The following COL26A1 variants were observed in gnomAD, a reference collection of about 807,000 sequenced individuals.
COL26A1 encodes collagen alpha-1(XXVI) chain.
In COL26A1, 41 loss-of-function variants were observed where a neutral mutation model predicts 59.3. That is an observed-to-expected ratio of 0.69 (90% CI 0.54 to 0.90). The LOEUF (loss-of-function observed/expected upper bound fraction) is 0.90, where lower values mean the gene tolerates loss of function less well. Ranked by LOEUF, COL26A1 falls within the 40% of genes least tolerant of loss-of-function variation. The probability of loss-of-function intolerance (pLI) is 0.00; values close to 1 mark genes in which losing one functional copy is unlikely to be tolerated. For missense variants in COL26A1, 612 were observed against 602.3 expected (o/e 1.02, Z -0.17); for synonymous variants, 266 against 256.0 (o/e 1.04, Z -0.37).
chr7:101,542,625 C>G (rs1795640196), intron 5 of COL26A1, among the ~76,000 whole-genome samples: 1 of 152,166 alleles, frequency 6.6e-6, no homozygotes, highest in Non-Finnish European at 1.5e-5. Flanking sequence ...GGTTGGGGAG[C>G]AGGGGCAGAG....
chr7:101,376,852 A>G (rs77094535), intron 1 of COL26A1, among the ~76,000 whole-genome samples: 4,356 of 151,798 alleles, frequency 0.029, 105 homozygotes, highest in Non-Finnish European at 0.04. Context: ...TATTTTCTTT[A>G]TTTTATTTTC....
At chr7:101,505,521 C>T (rs1029003723) in intron 3 of COL26A1, among the ~76,000 whole-genome samples, 1 of 152,084 alleles carries the variant, frequency 6.6e-6, no homozygotes, top group Non-Finnish European at 1.5e-5. Context: ...CACAATAGGC[C>T]GTCTGCAAGC....
chr7:101,544,113 CAT>C lies in COL26A1; in HGVS notation c.703+20_703+21del. On this transcript the variant is annotated intron_variant, in intron 6 of 12. Transcript: ENST00000313669. ...GGCCGCCTGGTAAGAAAACCCCCCA[CAT>C]ATGTGATGTTGTCAACCTGCGGAAG... 1 of 1,575,810 alleles carries C rather than the reference CAT, an allele frequency of 6.3e-7. No individual in the cohort carries two copies. The highest frequency in any genetic ancestry group is 8.6e-7 in the Non-Finnish European group (1 of 1,156,510).
At chr7:101,466,373 G>A (rs535218972) in intron 3 of COL26A1, among the ~76,000 whole-genome samples, 3 of 152,060 alleles carry the variant, frequency 2.0e-5, no homozygotes, top group African/African-American at 4.8e-5. Flanking sequence ...GTCATTCCCC[G>A]ACCTGCCCAG....
intron 3 of COL26A1, among the ~76,000 whole-genome samples, chr7:101,473,889 A>G (rs1454125772): frequency 6.6e-6 from 1 of 152,032 alleles, no homozygotes; most frequent in Non-Finnish European, 1.5e-5. Context: ...CAAGCTATCT[A>G]CTTTTTCAGA....
chr7:101,530,591 A>AAC (rs1254563526), intron 3 of COL26A1, among the ~76,000 whole-genome samples: 21 of 148,698 alleles, frequency 1.4e-4, no homozygotes, highest in African/African-American at 5.2e-4. Flanking sequence ...AAAAAAAAAA[A>AAC]GCAGGCACTG....
In COL26A1 at chr7:101,557,503, C is replaced by T. The variant is rs771159573; in HGVS notation, c.1299C>T (p.Ser433=). 1.4e-5 allele frequency: 22 copies of T among 1,611,946 alleles called. No homozygotes were observed. In the East Asian group the frequency reaches 3.1e-4, roughly 23 times the overall value. Residue 433 remains serine, a synonymous_variant, in exon 13 of 13, where the codon AGC becomes AGT. Coordinates refer to ENST00000313669, the MANE Select transcript of COL26A1 (RefSeq NM_001278563.3). ...TTGGGCCCGACCCTGGACAGAAGAG[C>T]GTGGACCAGGCCAGCAGCAGGAAGT... The part of the protein sequence containing the change: ...ALLGPDPGQK[S]VDQASSRK
intron 2 of COL26A1, among the ~76,000 whole-genome samples, chr7:101,436,476 T>C (rs541122121): frequency 1.3e-5 from 2 of 151,876 alleles, no homozygotes; most frequent in African/African-American, 4.8e-5. Flanking sequence ...GCATGGAGGC[T>C]GAGAAGGGGT....
intron 2 of COL26A1, among the ~76,000 whole-genome samples, chr7:101,434,051 TCCCTCCCTCC>T (rs1792844733): frequency 5.1e-5 from 1 of 19,498 alleles, no homozygotes; most frequent in Non-Finnish European, 1.1e-4. Flanking sequence ...CTTCCCTCCC[TCCCTCCCTCC>T]CTCCCTCCCT....
At chr7:101,498,655 ACT>A (rs1563013420) in intron 3 of COL26A1, among the ~76,000 whole-genome samples, 1 of 152,090 alleles carries the variant, frequency 6.6e-6, no homozygotes, top group Non-Finnish European at 1.5e-5. Context: ...CACTCTGCAC[ACT>A]CTGGATTTAT....
At position 101,485,814 on chromosome 7, in the gene COL26A1, C is replaced by T. The variant is rs199645812; in HGVS notation, c.385+38027C>T. ...ATGAGCCGAGGCCCAGCCGCGGCAG[C>T]CATGTGACCTTGGGATTGTCCCATC... On this transcript the variant is annotated intron_variant, in intron 3 of 12. Coordinates refer to ENST00000313669, the MANE Select transcript of COL26A1 (RefSeq NM_001278563.3). Among the ~76,000 whole-genome samples the T allele has an allele frequency of 1.1e-4, 16 of 152,086 alleles. 1 individual carries two copies. The East Asian group carries it at 3.1e-3, about 29-fold the overall frequency.
chr7:101,420,441 C>A (rs950463747), intron 2 of COL26A1, among the ~76,000 whole-genome samples: 5 of 152,116 alleles, frequency 3.3e-5, no homozygotes, highest in Non-Finnish European at 7.4e-5. Flanking sequence ...TGGCTCCAGG[C>A]TGGAACGAGG....
At position 101,516,078 on chromosome 7, in the gene COL26A1, G is replaced by T. The variant is rs111457464; in HGVS notation, c.386-17004G>T. Among the ~76,000 whole-genome samples, 963 of 152,276 alleles carry T rather than the reference G, an allele frequency of 6.3e-3. 6 individuals are homozygous for T. Among genetic ancestry groups the T allele is most frequent in the African/African-American group, 0.022 (900 of 41,544 alleles). On this transcript the variant is annotated intron_variant, in intron 3 of 12. Transcript: ENST00000313669. Reference sequence around the variant, plus strand: ...GGGGAAGTAAGGAGTTGCTGCCCTGGGAGGGTGAACCTGGTTTTAGCCCTG... The same window carrying T: ...GGGGAAGTAAGGAGTTGCTGCCCTGTGAGGGTGAACCTGGTTTTAGCCCTG...
chr7:101,484,531 C>T (rs1161834439), intron 3 of COL26A1, among the ~76,000 whole-genome samples: 5 of 151,338 alleles, frequency 3.3e-5, no homozygotes, highest in South Asian at 2.1e-4. Context: ...CCACCACACC[C>T]GGCTAATTTT....
chr7:101,373,417 A>C (rs906107001), intron 1 of COL26A1, among the ~76,000 whole-genome samples: 7 of 152,188 alleles, frequency 4.6e-5, no homozygotes, highest in Admixed American at 2.6e-4. Flanking sequence ...CATTTTTGTG[A>C]AATACTTTTA....
intron 3 of COL26A1, among the ~76,000 whole-genome samples, chr7:101,456,166 ATAT>A (rs902096058): frequency 1.7e-3 from 171 of 99,618 alleles, no homozygotes; most frequent in African/African-American, 6.1e-3. Context: ...ATATATATAT[ATAT>A]TTTTTTTTTA....
intron 3 of COL26A1, among the ~76,000 whole-genome samples, chr7:101,503,827 C>T (rs1794752837): frequency 6.6e-6 from 1 of 152,224 alleles, no homozygotes; most frequent in African/African-American, 2.4e-5. Flanking sequence ...GGAGGTGACA[C>T]CTCCAAGGGA....
At chr7:101,528,203 G>C (rs1795290073) in intron 3 of COL26A1, among the ~76,000 whole-genome samples, 1 of 152,118 alleles carries the variant, frequency 6.6e-6, no homozygotes, top group Non-Finnish European at 1.5e-5. Context: ...CAGTGCCAGA[G>C]CAAACTGGGC....
At chr7:101,394,824 CT>C (rs1253649688) in intron 1 of COL26A1, among the ~76,000 whole-genome samples, 1 of 148,590 alleles carries the variant, frequency 6.7e-6, no homozygotes, top group Non-Finnish European at 1.5e-5. Context: ...TTCTCCTTGG[CT>C]GTTGCTGTAG....
Sources: gnomAD v4.1 joint callset for allele counts (sites outside exome capture counted in the v4.1 genomes callset) on GRCh38, gnomAD v4.1.1 for gene constraint, MANE v1.5 for transcripts, NCBI Gene and HGNC (gene_info 2026-07-23, HGNC 2026-07-21) for gene names.